The following CTNND2 variants were observed in gnomAD, a reference collection of about 807,000 sequenced individuals.
CTNND2 encodes the protein catenin delta 2.
In CTNND2, 22 loss-of-function variants were observed where a neutral mutation model predicts 144.4. That is an observed-to-expected ratio of 0.15 (90% CI 0.11 to 0.22). CTNND2 has a LOEUF of 0.22. Among genes scored for constraint, CTNND2 ranks in the 10% least tolerant of loss-of-function variants. CTNND2 has a pLI of 1.00. For missense variants in CTNND2, 1,353 were observed against 1,618.8 expected, an observed-to-expected ratio of 0.84 and a Z score of 2.82; for synonymous variants, 751 against 695.6, an observed-to-expected ratio of 1.08 and a Z score of -1.25.
At chr5:11,602,986 A>G (rs1779880282) in intron 2 of CTNND2, among the ~76,000 whole-genome samples, 1 of 151,880 alleles carries the variant, frequency 6.6e-6, no homozygotes. Context: ...ATTTACTTAA[A>G]TATTTTGATA....
At chr5:11,226,397 C>CA (rs1471452755) in intron 10 of CTNND2, among the ~76,000 whole-genome samples, 3 of 152,186 alleles carry the variant, frequency 2.0e-5, no homozygotes, top group African/African-American at 7.2e-5. Context: ...ATCACCATCT[C>CA]ACCCATGATG....
intron 3 of CTNND2, among the ~76,000 whole-genome samples, chr5:11,482,653 G>A (rs970699214): frequency 1.3e-5 from 2 of 152,082 alleles, no homozygotes; most frequent in African/African-American, 4.8e-5. Flanking sequence ...CTGGAAGGAG[G>A]GGGATGTGGT....
Position 11,711,435 on chromosome 5 carries a change from T to C in CTNND2, c.174+20701A>G, listed in dbSNP as rs542736311. On this transcript the variant is annotated intron_variant, in intron 2 of 21. Coordinates refer to ENST00000304623, the MANE Select transcript of CTNND2 (RefSeq NM_001332.4). ...AATTTTAACATGTAGGGCATGCTCA[T>C]TGCACGCCACTTACATATAGAAATG... 3.9e-5 allele frequency among the ~76,000 whole-genome samples: 6 copies of C among 152,308 alleles called. No individual in the cohort carries two copies. The East Asian group carries it at 7.7e-4, about 20-fold the overall frequency.
At chr5:11,550,147 T>C (rs1581472347) in intron 3 of CTNND2, among the ~76,000 whole-genome samples, 1 of 152,234 alleles carries the variant, frequency 6.6e-6, no homozygotes, top group East Asian at 1.9e-4. Context: ...ATTTCTGAGG[T>C]AACTGTTATT....
chr5:11,442,609 A>G (rs1764359477), intron 3 of CTNND2, among the ~76,000 whole-genome samples: 1 of 151,888 alleles, frequency 6.6e-6, no homozygotes. Flanking sequence ...AGGCTTTCGC[A>G]GTGCTCCAAG....
chr5:11,693,620 C>A (rs1258161779), intron 2 of CTNND2, among the ~76,000 whole-genome samples: 1 of 152,178 alleles, frequency 6.6e-6, no homozygotes, highest in Non-Finnish European at 1.5e-5. Context: ...GAGGACAGGG[C>A]TGTTTGTGTC....
chr5:11,179,859 A>G (rs1047813239), intron 11 of CTNND2, among the ~76,000 whole-genome samples: 2 of 152,238 alleles, frequency 1.3e-5, no homozygotes, highest in Non-Finnish European at 2.9e-5. Context: ...TGCTTATTAC[A>G]TTAACCTTTT....
intron 13 of CTNND2, among the ~76,000 whole-genome samples, chr5:11,111,830 C>T (rs988114123): frequency 6.6e-6 from 1 of 152,012 alleles, no homozygotes; most frequent in African/African-American, 2.4e-5. Flanking sequence ...AGAATAATGG[C>T]CCTCCCAGAA....
At chr5:11,463,438 G>T (rs182677782) in intron 3 of CTNND2, among the ~76,000 whole-genome samples, 1 of 152,232 alleles carries the variant, frequency 6.6e-6, no homozygotes, top group Admixed American at 6.5e-5. Flanking sequence ...GCCATTTGCT[G>T]TCTCAGGTTT....
chr5:11,050,245 A>G (rs1391913418), intron 16 of CTNND2, among the ~76,000 whole-genome samples: 1 of 152,114 alleles, frequency 6.6e-6, no homozygotes, highest in Non-Finnish European at 1.5e-5. Flanking sequence ...CACCTTCCCT[A>G]CAAGAAACAC....
chr5:11,034,049 T>C (rs1351452642), intron 16 of CTNND2, among the ~76,000 whole-genome samples: 1 of 152,186 alleles, frequency 6.6e-6, no homozygotes, highest in Non-Finnish European at 1.5e-5. Flanking sequence ...TTTCAATATT[T>C]AGTATCTAAG....
chr5:11,048,791 T>C (rs549549306), intron 16 of CTNND2, among the ~76,000 whole-genome samples: 1 of 152,342 alleles, frequency 6.6e-6, no homozygotes, highest in African/African-American at 2.4e-5. Flanking sequence ...AATAGTTCTT[T>C]TGGAGAAAGA....
intron 1 of CTNND2, among the ~76,000 whole-genome samples, chr5:11,741,226 C>T (rs1279199016): frequency 1.3e-5 from 2 of 152,062 alleles, no homozygotes; most frequent in Non-Finnish European, 2.9e-5. Flanking sequence ...GGCTATATAC[C>T]CAAAGGATTA....
chr5:11,271,520 G>A (rs1004724702), intron 9 of CTNND2, among the ~76,000 whole-genome samples: 1 of 151,918 alleles, frequency 6.6e-6, no homozygotes, highest in African/African-American at 2.4e-5. Flanking sequence ...TATATGGTCC[G>A]CTTTTCAAAG....
At chr5:11,828,870 C>T (rs563115164) in intron 1 of CTNND2, among the ~76,000 whole-genome samples, 1 of 152,240 alleles carries the variant, frequency 6.6e-6, no homozygotes, top group South Asian at 2.1e-4. Context: ...AAGACTGGAA[C>T]TTCCTAGAGA....
At chr5:11,140,552 C>T (rs574044231) in intron 12 of CTNND2, among the ~76,000 whole-genome samples, 1 of 152,178 alleles carries the variant, frequency 6.6e-6, no homozygotes, top group African/African-American at 2.4e-5. Context: ...TCTATAACTA[C>T]CTATTGAGAA....
At chr5:11,840,812 AC>A (rs1399611741) in intron 1 of CTNND2, among the ~76,000 whole-genome samples, 1 of 152,182 alleles carries the variant, frequency 6.6e-6, no homozygotes, top group Non-Finnish European at 1.5e-5. Flanking sequence ...AATAAGAAAT[AC>A]CCAAAAATCT....
At chr5:11,186,703 C>T (rs760804385) in intron 11 of CTNND2, among the ~76,000 whole-genome samples, 3 of 152,134 alleles carry the variant, frequency 2.0e-5, no homozygotes, top group Non-Finnish European at 2.9e-5. Flanking sequence ...GAGGGTATTG[C>T]TAAATGTGTG....
chr5:11,403,546 T>C (rs755735511), intron 5 of CTNND2, among the ~76,000 whole-genome samples: 1 of 152,230 alleles, frequency 6.6e-6, no homozygotes, highest in Non-Finnish European at 1.5e-5. Context: ...GCACATAATA[T>C]TGTAATCAGA....
Sources: gnomAD v4.1 joint callset for allele counts (sites outside exome capture counted in the v4.1 genomes callset) on GRCh38, gnomAD v4.1.1 for gene constraint, MANE v1.5 for transcripts, NCBI Gene and HGNC (gene_info 2026-07-23, HGNC 2026-07-21) for gene names.